Variants in DCDC2 observed in about 807,000 individuals in gnomAD.
DCDC2 encodes the protein doublecortin domain-containing protein 2.
A neutral mutation model predicts 50.2 loss-of-function variants in DCDC2; 40 were observed. That is an observed-to-expected ratio of 0.80 (90% confidence interval 0.62 to 1.04). The LOEUF (loss-of-function observed/expected upper bound fraction) is 1.04. DCDC2 is among the 50% of genes least tolerant of loss of function. The pLI, the probability that DCDC2 is intolerant of heterozygous loss-of-function variation, is 0.00. For missense variants in DCDC2, 570 were observed against 581.9 expected, an observed-to-expected ratio of 0.98 and a Z score of 0.21; for synonymous variants, 234 against 210.6, an observed-to-expected ratio of 1.11 and a Z score of -0.96.
chr6:24,364,670 A>C, the DCDC2 span, among the ~76,000 whole-genome samples: 3 of 152,192 alleles, frequency 2.0e-5, no homozygotes, highest in Non-Finnish European at 4.4e-5. Context: ...ATTAAGTTTA[A>C]AAATTAACCT....
intron 7 of DCDC2, among the ~76,000 whole-genome samples, chr6:24,207,248 ATCTATCTTTCTC>A (rs1761734438): frequency 9.8e-6 from 1 of 102,168 alleles, no homozygotes; most frequent in African/African-American, 4.0e-5. Flanking sequence ...CCCTCACTCC[ATCTATCTTTCTC>A]TCTCTCTCTC....
rs1334506054 is a variant in DCDC2 at position 24,317,271 on chromosome 6, T to C, written c.349-15227A>G. Among the ~76,000 whole-genome samples the C allele has an allele frequency of 3.3e-5, 5 of 152,146 alleles. No homozygotes were observed. The East Asian group carries it at 9.6e-4, about 29-fold the overall frequency. ...ATTTTAAAAATTAATTTTAGCAGGG[T>C]GGTACTTGTGCATAGACAAATAGAC... On this transcript the variant is annotated intron_variant, in intron 2 of 9. Transcript: ENST00000378454.
chr6:24,193,416 G>A (rs925868429), intron 8 of DCDC2, among the ~76,000 whole-genome samples: 1 of 152,148 alleles, frequency 6.6e-6, no homozygotes, highest in African/African-American at 2.4e-5. Flanking sequence ...ACCAGCTTGA[G>A]GCAGCTGACT....
chr6:24,286,259 ACGTCTGCTGTT>A (rs1763607345), intron 6 of DCDC2, among the ~76,000 whole-genome samples: 1 of 152,098 alleles, frequency 6.6e-6, no homozygotes, highest in Non-Finnish European at 1.5e-5. Flanking sequence ...CAGTGATGCT[ACGTCTGCTGTT>A]CAACTAGGAC....
At chr6:24,193,609 G>T (rs973305727) in intron 8 of DCDC2, among the ~76,000 whole-genome samples, 4 of 151,980 alleles carry the variant, frequency 2.6e-5, no homozygotes, top group Non-Finnish European at 5.9e-5. Context: ...GGTTACCCAA[G>T]AAAGGAAATG....
At chr6:24,221,829 C>A (rs1762125251) in intron 7 of DCDC2, among the ~76,000 whole-genome samples, 1 of 152,302 alleles carries the variant, frequency 6.6e-6, no homozygotes, top group South Asian at 2.1e-4. Flanking sequence ...TCCATGATGC[C>A]TTTTATTACA....
chr6:24,331,306 T>A (rs996385313), intron 2 of DCDC2, among the ~76,000 whole-genome samples: 25 of 151,930 alleles, frequency 1.6e-4, no homozygotes, highest in Non-Finnish European at 2.8e-4. Flanking sequence ...TACCTTTTTT[T>A]TTTTTTAATT....
intron 7 of DCDC2, among the ~76,000 whole-genome samples, chr6:24,264,434 GT>G (rs1405983626): frequency 6.6e-6 from 1 of 151,648 alleles, no homozygotes; most frequent in African/African-American, 2.4e-5. Context: ...TTTCAAGACA[GT>G]ATAACAAATT....
At position 24,290,983 on chromosome 6, in the gene DCDC2, A is replaced by G; in HGVS notation, c.653T>C (p.Leu218Pro). 1 of 1,614,076 alleles carries G rather than the reference A, an allele frequency of 6.2e-7. No homozygotes were observed. The highest frequency in any genetic ancestry group is 8.5e-7 in the Non-Finnish European group (1 of 1,179,974). Residue 218 changes from leucine to proline, a missense_variant, in exon 5 of 10, where the codon CTG (leucine) becomes CCG (proline). Physicochemically the swap from Leu to Pro is moderately conservative, Grantham distance 98. Coordinates refer to ENST00000378454, the MANE Select transcript of DCDC2 (RefSeq NM_016356.5). ...VAVGRDKFKK[L>P]PYSELLFDKS... ...GTCAAAAAGTAACTCACTGTAAGGC[A>G]GTTTCTTAAACTTATCTCTGCCAAC...
chr6:24,205,111 A>G lies in DCDC2; in HGVS notation c.923-9T>C, dbSNP rs780877183. Reference sequence around the variant, plus strand: ...TTTGAAAATGCCTTCATCTATTGAGACAAACACACAGTGAAAATCAAAATC... The same window carrying G: ...TTTGAAAATGCCTTCATCTATTGAGGCAAACACACAGTGAAAATCAAAATC... On this transcript the variant is annotated splice_polypyrimidine_tract_variant and intron_variant, in intron 7 of 9. Coordinates refer to ENST00000378454, the MANE Select transcript of DCDC2 (RefSeq NM_016356.5). 1.9e-6 allele frequency: 3 copies of G among 1,614,128 alleles called. No individual in the cohort carries two copies. The highest frequency in any genetic ancestry group is 4.5e-5 in the East Asian group (2 of 44,882).
chr6:24,256,643 T>A lies in DCDC2; in HGVS notation c.922+21406A>T, dbSNP rs139640035. Among the ~76,000 whole-genome samples, 361 of 152,270 alleles carry A rather than the reference T, an allele frequency of 2.4e-3. 2 individuals are homozygous for A. The highest frequency in any genetic ancestry group is 8.3e-3 in the African/African-American group (344 of 41,550). On this transcript the variant is annotated intron_variant, in intron 7 of 9. Coordinates refer to ENST00000378454, the MANE Select transcript of DCDC2 (RefSeq NM_016356.5). ...GAAACATTCATCAGAAAGCTAACAATTGTCCCTTTATAAAAACGTGTTTGG... is the reference window on the plus strand; with the variant it reads ...GAAACATTCATCAGAAAGCTAACAAATGTCCCTTTATAAAAACGTGTTTGG...
chr6:24,310,539 C>A (rs931698718), intron 2 of DCDC2, among the ~76,000 whole-genome samples: 1 of 152,074 alleles, frequency 6.6e-6, no homozygotes, highest in Admixed American at 6.5e-5. Context: ...TCTGCCTTCC[C>A]GGCTTTTAAC....
At chr6:24,375,950 G>A in the DCDC2 span, among the ~76,000 whole-genome samples, 1 of 152,096 alleles carries the variant, frequency 6.6e-6, no homozygotes, top group African/African-American at 2.4e-5. Flanking sequence ...GGGATTCACA[G>A]ATATATGAGC....
chr6:24,359,464 C>T (rs1467713987), upstream of DCDC2, among the ~76,000 whole-genome samples: 74 of 13,092 alleles, frequency 5.7e-3, 4 homozygotes, highest in South Asian at 0.012. Context: ...TTTATATATA[C>T]TATATAATAT....
At chr6:24,332,522 A>G (rs988242362) in intron 2 of DCDC2, among the ~76,000 whole-genome samples, 6 of 152,266 alleles carry the variant, frequency 3.9e-5, no homozygotes, top group African/African-American at 1.2e-4. Context: ...ATCTCCAGCT[A>G]AGGCTCCAGA....
chr6:24,366,165 T>C, the DCDC2 span, among the ~76,000 whole-genome samples: 2 of 152,196 alleles, frequency 1.3e-5, no homozygotes, highest in Non-Finnish European at 2.9e-5. Context: ...GAATGTGAGA[T>C]GAGTAGAAAC....
intron 7 of DCDC2, among the ~76,000 whole-genome samples, chr6:24,210,022 GT>G (rs1561891536): frequency 4.6e-3 from 101 of 22,158 alleles, no homozygotes; most frequent in Non-Finnish European, 7.5e-3. Flanking sequence ...GTATCAGGGT[GT>G]GTGTGTGTGT....
chr6:24,253,928 A>C (rs1762842976), intron 7 of DCDC2, among the ~76,000 whole-genome samples: 1 of 152,214 alleles, frequency 6.6e-6, no homozygotes, highest in African/African-American at 2.4e-5. Flanking sequence ...CTTTATATTA[A>C]AACTTTTTAA....
At chr6:24,348,223 G>T (rs1424699388) in intron 2 of DCDC2, among the ~76,000 whole-genome samples, 2 of 152,198 alleles carry the variant, frequency 1.3e-5, no homozygotes, top group Non-Finnish European at 2.9e-5. Flanking sequence ...CTCATTGAAG[G>T]ATTCTGAAGA....
Sources: allele counts gnomAD v4.1 joint callset (sites outside exome capture counted in the v4.1 genomes callset), GRCh38; gene constraint gnomAD v4.1.1; transcripts MANE v1.5; gene names NCBI Gene and HGNC (gene_info 2026-07-23, HGNC 2026-07-21).